The following TRHDE variants were observed in gnomAD, a reference collection of about 807,000 sequenced individuals.
The protein encoded by TRHDE is thyrotropin releasing hormone degrading enzyme.
TRHDE carries 72 observed loss-of-function variants against 125.7 expected under a neutral mutation model. That is an observed-to-expected ratio of 0.57 (90% CI 0.47 to 0.70). TRHDE has a LOEUF of 0.70. TRHDE is among the 30% of genes least tolerant of loss of function. The pLI is 0.00. For missense variants in TRHDE, 1,110 were observed against 1,327.1 expected (o/e 0.84, Z 2.54); for synonymous variants, 509 against 509.1 (o/e 1.00, Z 0.00).
rs543636500 is a variant in TRHDE at position 72,113,411 on chromosome 12, G to C, written n.279+7659G>C. Among the ~76,000 whole-genome samples, 89 of 151,618 alleles carry C rather than the reference G, an allele frequency of 5.9e-4. 1 individual carries two copies. The highest frequency in any genetic ancestry group is 2.1e-3 in the African/African-American group (86 of 41,430). On this transcript the variant is annotated intron_variant and non_coding_transcript_variant, in intron 2 of 4. Coordinates refer to the TRHDE transcript ENST00000548156. ...ATGCCGAGGTGCATAGATCACTTGA[G>C]GTCAGGAGTTCGAGACCAGCCTGGC...
chr12:72,553,964 C>T (rs565269419), intron 7 of TRHDE, among the ~76,000 whole-genome samples: 2 of 151,770 alleles, frequency 1.3e-5, no homozygotes, highest in South Asian at 4.2e-4. Flanking sequence ...TCTCCTGCCT[C>T]AGCCTCCTGA....
At chr12:72,344,660 G>A (rs1190740618) in intron 2 of TRHDE, among the ~76,000 whole-genome samples, 1 of 152,102 alleles carries the variant, frequency 6.6e-6, no homozygotes, top group Non-Finnish European at 1.5e-5. Context: ...TGCTGTTGGT[G>A]TGCAAAAGAA....
At chr12:72,659,557 GTATAT>G (rs1411343497) in intron 18 of TRHDE, among the ~76,000 whole-genome samples, 3 of 152,034 alleles carry the variant, frequency 2.0e-5, no homozygotes, top group African/African-American at 4.8e-5. Context: ...GTTATTAAGA[GTATAT>G]TATGTTTTAC....
chr12:72,117,711 A>G (rs185438408), intron 2 of TRHDE, among the ~76,000 whole-genome samples: 1 of 152,260 alleles, frequency 6.6e-6, no homozygotes, highest in Admixed American at 6.5e-5. Flanking sequence ...ATCTGTGAAC[A>G]TGAACTATCA....
chr12:72,334,859 C>T (rs964628070), intron 2 of TRHDE, among the ~76,000 whole-genome samples: 8 of 152,150 alleles, frequency 5.3e-5, no homozygotes, highest in East Asian at 1.9e-4. Flanking sequence ...CCTTCATCCC[C>T]GGGTCACGCC....
intron 3 of TRHDE, among the ~76,000 whole-genome samples, chr12:72,419,935 A>G (rs1280181202): frequency 1.3e-5 from 2 of 152,202 alleles, no homozygotes; most frequent in Non-Finnish European, 2.9e-5. Flanking sequence ...GAAAATAAGA[A>G]TGGAAATGGA....
intron 6 of TRHDE, among the ~76,000 whole-genome samples, chr12:72,508,247 T>C (rs1037347847): frequency 4.6e-5 from 7 of 152,186 alleles, no homozygotes; most frequent in African/African-American, 1.7e-4. Flanking sequence ...CTCCAGACCC[T>C]AGAATTATAG....
intron 3 of TRHDE, among the ~76,000 whole-genome samples, chr12:72,453,514 G>A (rs888764548): frequency 1.3e-5 from 2 of 152,188 alleles, no homozygotes; most frequent in East Asian, 3.9e-4. Context: ...CTATGTGGAA[G>A]AAAAGAAAAG....
intron 5 of TRHDE, among the ~76,000 whole-genome samples, chr12:72,493,250 A>T (rs1341601448): frequency 6.6e-6 from 1 of 151,948 alleles, no homozygotes; most frequent in Admixed American, 6.6e-5. Flanking sequence ...TACATAAACA[A>T]ATGAAAATAC....
At chr12:72,109,155 G>A (rs1314245596) in intron 2 of TRHDE, among the ~76,000 whole-genome samples, 1 of 152,056 alleles carries the variant, frequency 6.6e-6, no homozygotes, top group African/African-American at 2.4e-5. Flanking sequence ...TGCTAGTGGT[G>A]TGATGAAGAC....
chr12:72,594,924 C>T (rs1276603332), intron 12 of TRHDE, among the ~76,000 whole-genome samples: 6 of 151,760 alleles, frequency 4.0e-5, no homozygotes, highest in Non-Finnish European at 7.4e-5. Flanking sequence ...CATGGAATAC[C>T]ATGCAGCCAT....
intron 2 of TRHDE, among the ~76,000 whole-genome samples, chr12:72,218,166 C>G (rs924179547): frequency 6.6e-6 from 1 of 152,060 alleles, no homozygotes; most frequent in Non-Finnish European, 1.5e-5. Context: ...TGTGAAGTTA[C>G]TTTCCATATG....
chr12:72,280,413 T>A (rs1454416409), intron 1 of TRHDE, among the ~76,000 whole-genome samples: 1 of 151,926 alleles, frequency 6.6e-6, no homozygotes, highest in African/African-American at 2.4e-5. Context: ...TGCTTTGGGG[T>A]TTCCCCTTGC....
At chr12:72,608,491 G>T (rs925573282) in intron 12 of TRHDE, among the ~76,000 whole-genome samples, 2 of 152,134 alleles carry the variant, frequency 1.3e-5, no homozygotes, top group Admixed American at 6.6e-5. Flanking sequence ...AACTGAAACA[G>T]CCTCTGTAGG....
At chr12:72,336,415 C>T (rs1056027105) in intron 2 of TRHDE, among the ~76,000 whole-genome samples, 1 of 152,168 alleles carries the variant, frequency 6.6e-6, no homozygotes, top group Non-Finnish European at 1.5e-5. Context: ...GGATTGTCCT[C>T]TCCATGAAAT....
At chr12:72,627,716 C>G (rs139076755) in intron 15 of TRHDE, among the ~76,000 whole-genome samples, 1 of 151,694 alleles carries the variant, frequency 6.6e-6, no homozygotes, top group East Asian at 1.9e-4. Flanking sequence ...AACGAGATCT[C>G]GTTCTATTAT....
chr12:72,554,466 C>A (rs1000454988), intron 7 of TRHDE, among the ~76,000 whole-genome samples: 1 of 152,022 alleles, frequency 6.6e-6, no homozygotes, highest in Non-Finnish European at 1.5e-5. Context: ...AATAACTATA[C>A]CTAGTTTATA....
At chr12:72,314,194 G>A (rs1226973681) in intron 2 of TRHDE, among the ~76,000 whole-genome samples, 2 of 152,070 alleles carry the variant, frequency 1.3e-5, no homozygotes, top group Non-Finnish European at 2.9e-5. Flanking sequence ...CATGTGAGCT[G>A]AATTGAGTGT....
intron 3 of TRHDE, among the ~76,000 whole-genome samples, chr12:72,394,282 G>C (rs944317382): frequency 6.6e-6 from 1 of 152,058 alleles, no homozygotes. Flanking sequence ...CTTACAACAG[G>C]ATTTAAAGGA....
Sources: gnomAD v4.1 joint callset for allele counts (sites outside exome capture counted in the v4.1 genomes callset) on GRCh38, gnomAD v4.1.1 for gene constraint, MANE v1.5 for transcripts, NCBI Gene and HGNC (gene_info 2026-07-23, HGNC 2026-07-21) for gene names.